DOCK2: variants seen among roughly 807,000 people sequenced by gnomAD.
The protein encoded by DOCK2 is dedicator of cytokinesis protein 2.
DOCK2 carries 87 observed loss-of-function variants against 248.9 expected under a neutral mutation model. That is an observed-to-expected ratio of 0.35 (90% CI 0.29 to 0.42). DOCK2 has a LOEUF of 0.42. Ranked by LOEUF, DOCK2 falls within the 10% of genes least tolerant of loss-of-function variation. The pLI is 1.00. For missense variants in DOCK2, 1,747 were observed against 2,300.2 expected (o/e 0.76, Z 4.92); for synonymous variants, 805 against 821.6 (o/e 0.98, Z 0.35).
intron 8 of DOCK2, among the ~76,000 whole-genome samples, chr5:169,685,775 A>G (rs892621143): frequency 1.3e-5 from 2 of 152,116 alleles, no homozygotes; most frequent in Non-Finnish European, 2.9e-5. Context: ...TCTAATCCTC[A>G]TGGTTCCGTG....
In DOCK2 at chr5:170,020,447, AATGATG is replaced by A. The variant is rs201007286; in HGVS notation, c.3381+1354_3381+1359del. On this transcript the variant is annotated intron_variant, in intron 33 of 51. Transcript: ENST00000520908. ...TTTTTCATCTTCCTCATCTGCATCT[AATGATG>A]ATGATGATGATGATTATAATGACTG... 9.7e-3 allele frequency among the ~76,000 whole-genome samples: 1,476 copies of A among 152,120 alleles called. 9 individuals carry two copies. Among genetic ancestry groups the A allele is most frequent in the Non-Finnish European group, 0.014 (982 of 67,988 alleles).
chr5:169,819,360 C>A (rs1258520683), intron 26 of DOCK2, among the ~76,000 whole-genome samples: 3 of 152,136 alleles, frequency 2.0e-5, no homozygotes, highest in Non-Finnish European at 4.4e-5. Context: ...GTGGCTCACG[C>A]CTTTAATACC....
At chr5:169,851,453 A>G (rs752611955) in intron 27 of DOCK2, among the ~76,000 whole-genome samples, 11 of 152,174 alleles carry the variant, frequency 7.2e-5, no homozygotes, top group Non-Finnish European at 5.9e-5. Context: ...TTGTTAAGAT[A>G]GCTACTGCAT....
chr5:170,050,728 G>C (rs1301863949), intron 41 of DOCK2, among the ~76,000 whole-genome samples: 1 of 148,786 alleles, frequency 6.7e-6, no homozygotes, highest in Non-Finnish European at 1.5e-5. Flanking sequence ...CCTGCAGTAA[G>C]TTCCCATCTC....
chr5:169,837,579 A>T (rs1043658145), intron 26 of DOCK2, among the ~76,000 whole-genome samples: 1 of 152,188 alleles, frequency 6.6e-6, no homozygotes, highest in African/African-American at 2.4e-5. Flanking sequence ...CTGAGGGCTT[A>T]CTATATACCA....
At chr5:169,672,791 C>G (rs1429075433) in intron 5 of DOCK2, among the ~76,000 whole-genome samples, 1 of 152,220 alleles carries the variant, frequency 6.6e-6, no homozygotes, top group East Asian at 1.9e-4. Context: ...CTGGGCACCC[C>G]CTTTTTTCAC....
chr5:169,718,866 G>T (rs1762041231), intron 22 of DOCK2, 75 bp downstream of exon 22: 1 of 1,493,234 alleles, frequency 6.7e-7, no homozygotes, highest in African/African-American at 1.4e-5. Context: ...TTTACTGTAG[G>T]AGAAACTCGT....
At chr5:169,996,945 AAG>A (rs1754659675) in intron 30 of DOCK2, among the ~76,000 whole-genome samples, 2 of 152,196 alleles carry the variant, frequency 1.3e-5, no homozygotes, top group Non-Finnish European at 1.5e-5. Flanking sequence ...TTGGAAAAGA[AAG>A]AGACACAGAG....
At chr5:170,019,417 G>A (rs573367265) in intron 33 of DOCK2, among the ~76,000 whole-genome samples, 11 of 152,162 alleles carry the variant, frequency 7.2e-5, no homozygotes, top group South Asian at 6.2e-4. Flanking sequence ...GGGCCCACCC[G>A]TCCCACCTGT....
At chr5:169,937,499 G>A (rs1776045656) in intron 27 of DOCK2, among the ~76,000 whole-genome samples, 1 of 152,222 alleles carries the variant, frequency 6.6e-6, no homozygotes, top group African/African-American at 2.4e-5. Flanking sequence ...CATAGTAAGT[G>A]TTCAATAAAA....
At chr5:169,769,250 G>C (rs1764957648) in intron 25 of DOCK2, among the ~76,000 whole-genome samples, 1 of 152,174 alleles carries the variant, frequency 6.6e-6, no homozygotes, top group African/African-American at 2.4e-5. Context: ...CAAATAGGAA[G>C]GGGAAGAAAG....
intron 19 of DOCK2, 90 bp from the exon 20 acceptor site, chr5:169,716,123 T>C: frequency 1.7e-6 from 2 of 1,163,872 alleles, no homozygotes; most frequent in Non-Finnish European, 1.3e-6. Flanking sequence ...TGTGCTCTCA[T>C]TCTCTTATAG....
chr5:169,963,378 C>T (rs998249035), intron 27 of DOCK2, among the ~76,000 whole-genome samples: 20 of 152,146 alleles, frequency 1.3e-4, no homozygotes, highest in African/African-American at 4.8e-4. Context: ...GGCCTCCATC[C>T]CTCTCTGCTC....
At chr5:169,810,765 C>A (rs1249491875) in intron 26 of DOCK2, among the ~76,000 whole-genome samples, 2 of 152,166 alleles carry the variant, frequency 1.3e-5, no homozygotes, top group Admixed American at 1.3e-4. Context: ...GCGCAAGCGA[C>A]TCCATCTTGG....
intron 26 of DOCK2, among the ~76,000 whole-genome samples, chr5:169,807,172 G>T (rs985630837): frequency 1.3e-5 from 2 of 152,090 alleles, no homozygotes; most frequent in African/African-American, 4.8e-5. Context: ...TCTGGGGTGG[G>T]TGGGGCACTG....
At chr5:169,969,155 G>A (rs573622267) in intron 27 of DOCK2, among the ~76,000 whole-genome samples, 1 of 151,592 alleles carries the variant, frequency 6.6e-6, no homozygotes, top group East Asian at 2.0e-4. Flanking sequence ...TTTCAAAAAA[G>A]AAAAAATGGC....
At chr5:169,943,778 G>A (rs1487806100) in intron 27 of DOCK2, among the ~76,000 whole-genome samples, 3 of 152,080 alleles carry the variant, frequency 2.0e-5, no homozygotes, top group East Asian at 1.9e-4. Context: ...AACAGTTGAC[G>A]GTAGGGTCCA....
chr5:169,785,474 G>A (rs1013489094), intron 25 of DOCK2, among the ~76,000 whole-genome samples: 2 of 151,972 alleles, frequency 1.3e-5, no homozygotes, highest in African/African-American at 4.8e-5. Context: ...AATGGAATAG[G>A]AATATTAAAG....
chr5:169,840,874 G>T (rs899418653), intron 27 of DOCK2, 22 bp downstream of exon 27: 2 of 1,611,006 alleles, frequency 1.2e-6, no homozygotes, highest in South Asian at 2.2e-5. Flanking sequence ...ATTTCTTCTT[G>T]TCAAATGTTG....
Sources: gnomAD v4.1 joint callset for allele counts (sites outside exome capture counted in the v4.1 genomes callset) on GRCh38, gnomAD v4.1.1 for gene constraint, MANE v1.5 for transcripts, NCBI Gene and HGNC (gene_info 2026-07-23, HGNC 2026-07-21) for gene names.